Variants in LRRC74A observed in about 807,000 individuals in gnomAD.
LRRC74A encodes leucine-rich repeat-containing protein 74A.
A neutral mutation model predicts 57.9 loss-of-function variants in LRRC74A; 44 were observed. The ratio of observed to expected loss-of-function variants is 0.76; its 90% confidence interval spans 0.60 to 0.98. The LOEUF is 0.98. Among genes scored for constraint, LRRC74A ranks in the 50% least tolerant of loss-of-function variants. LRRC74A has a pLI of 0.00. For missense variants in LRRC74A, 572 were observed against 574.0 expected (o/e 1.00, Z 0.04); for synonymous variants, 211 against 219.4 (o/e 0.96, Z 0.34).
At position 76,855,680 on chromosome 14, in the gene LRRC74A, C is replaced by G. The variant is rs149238965; in HGVS notation, c.958-1700C>G. ...TGAGTCCAGCAAAGGATTCCAGATGCTGAGCTCCACGAGGTCCAGGCCCTA... is the reference window on the plus strand; with the variant it reads ...TGAGTCCAGCAAAGGATTCCAGATGGTGAGCTCCACGAGGTCCAGGCCCTA... On this transcript the variant is annotated intron_variant, in intron 9 of 13. Transcript: ENST00000689127. Among the ~76,000 whole-genome samples the G allele has an allele frequency of 2.0e-5, 3 of 152,260 alleles. No individual in the cohort carries two copies. The East Asian group carries it at 5.8e-4, about 29-fold the overall frequency.
intron 10 of LRRC74A, among the ~76,000 whole-genome samples, chr14:76,857,848 T>C (rs1898019301): frequency 6.6e-6 from 1 of 152,158 alleles, no homozygotes; most frequent in African/African-American, 2.4e-5. Flanking sequence ...ATCACAAAAT[T>C]TGTAGAATCT....
At chr14:76,830,601 CCATT>C (rs1190765036) in intron 2 of LRRC74A, among the ~76,000 whole-genome samples, 1 of 152,232 alleles carries the variant, frequency 6.6e-6, no homozygotes, top group African/African-American at 2.4e-5. Flanking sequence ...AGAAGAAAGA[CCATT>C]CACATGCAAG....
At chr14:76,857,581 C>T in intron 10 of LRRC74A, 106 bp downstream of exon 10, 2 of 749,084 alleles carry the variant, frequency 2.7e-6, no homozygotes, top group East Asian at 2.8e-5. Flanking sequence ...CTCACAGGCC[C>T]TCACACAAGT....
intron 1 of LRRC74A, among the ~76,000 whole-genome samples, chr14:76,827,591 T>A (rs1476513823): frequency 6.6e-6 from 1 of 152,122 alleles, no homozygotes; most frequent in Non-Finnish European, 1.5e-5. Context: ...TAAAACCACA[T>A]CTAGCAAGTG....
chr14:76,835,580 C>A (rs1413827316), intron 3 of LRRC74A, among the ~76,000 whole-genome samples: 1 of 151,912 alleles, frequency 6.6e-6, no homozygotes, highest in South Asian at 2.1e-4. Flanking sequence ...CTTGAGGTCA[C>A]CTCCTAGTAA....
In LRRC74A at chr14:76,866,030, G is replaced by C; in HGVS notation, c.1263G>C (p.Gly421=). 6.3e-7 allele frequency: 1 copy of C among 1,598,002 alleles called. No individual in the cohort carries two copies. The highest frequency in any genetic ancestry group is 8.6e-7 in the Non-Finnish European group (1 of 1,167,840). The change falls in exon 12 of 14, where the codon GGG becomes GGC. Residue 421 remains glycine, a synonymous_variant. Coordinates refer to ENST00000689127, the MANE Select transcript of LRRC74A (RefSeq NM_001385106.1). The part of the protein sequence containing the change: ...VDFFKSLNPT[G]TMKMSVDEFQ... The stretch of plus-strand genomic sequence containing the variant: ...TCTTCAAGAGCTTGAACCCCACTGG[G>C]ACAATGAAGATGTCTGTGGATGAGT...
chr14:76,851,816 C>G (rs1275535291), intron 7 of LRRC74A, among the ~76,000 whole-genome samples: 1 of 152,104 alleles, frequency 6.6e-6, no homozygotes, highest in Non-Finnish European at 1.5e-5. Context: ...CAGGCACGCG[C>G]CACCGCACCC....
intron 1 of LRRC74A, among the ~76,000 whole-genome samples, chr14:76,827,191 C>T (rs1743850843): frequency 6.6e-6 from 1 of 152,160 alleles, no homozygotes; most frequent in Admixed American, 6.5e-5. Flanking sequence ...TCTAAGGGCA[C>T]TCAGCAGTCT....
chr14:76,853,608 C>G (rs1338792875), intron 9 of LRRC74A, among the ~76,000 whole-genome samples, 198 bp downstream of exon 9: 2 of 152,164 alleles, frequency 1.3e-5, no homozygotes, highest in African/African-American at 4.8e-5. Context: ...CAGTGTCACC[C>G]TCAGTGCTCC....
In LRRC74A at chr14:76,860,755, G is replaced by A. The variant is rs139935097; in HGVS notation, c.1116G>A (p.Gln372=). ...ACGGAGTGTATGCCGTTCACCCGCA[G>A]CTGGACGTGGTATTCAAGGCAGTAC... is the stretch of plus-strand genomic sequence containing the variant. ...TLDGVYAVHP[Q]LDVVFKAVQG... The change falls in exon 11 of 14, where the codon CAG becomes CAA. Residue 372 remains glutamine (Q), a synonymous_variant. Coordinates refer to ENST00000689127, the MANE Select transcript of LRRC74A (RefSeq NM_001385106.1). The A allele has an allele frequency of 6.2e-7, 1 of 1,611,772 alleles. No homozygotes were observed. Among genetic ancestry groups the A allele is most frequent in the African/African-American group, 1.3e-5 (1 of 74,970 alleles).
chr14:76,837,836 GA>G, intron 4 of LRRC74A, 38 bp from the exon 5 acceptor site: 1 of 1,293,570 alleles, frequency 7.7e-7, no homozygotes, highest in East Asian at 2.5e-5. Context: ...GCCCTTTGGT[GA>G]GCTTTTTTAC....
intron 13 of LRRC74A, among the ~76,000 whole-genome samples, chr14:76,869,415 C>A (rs1382664429): frequency 6.6e-6 from 1 of 152,180 alleles, no homozygotes; most frequent in African/African-American, 2.4e-5. Flanking sequence ...GTTGCATGAT[C>A]CTTTTCATTT....
chr14:76,867,537 A>G (rs4903504), intron 13 of LRRC74A, 99 bp downstream of exon 13: 24,453 of 658,814 alleles, frequency 0.037, 1,942 homozygotes, highest in African/African-American at 0.21. Context: ...TTATTACTTG[A>G]GGCTTCACCC....
chr14:76,862,287 C>T (rs148539260), intron 11 of LRRC74A, among the ~76,000 whole-genome samples: 244 of 152,234 alleles, frequency 1.6e-3, no homozygotes, highest in African/African-American at 5.8e-3. Flanking sequence ...CCCAGCAATT[C>T]GGGAGGCCAA....
At chr14:76,858,215 G>A (rs1898042352) in intron 10 of LRRC74A, among the ~76,000 whole-genome samples, 1 of 152,200 alleles carries the variant, frequency 6.6e-6, no homozygotes, top group Admixed American at 6.5e-5. Flanking sequence ...GAGGCTAGAA[G>A]TCCAAGAGTA....
At chr14:76,850,171 G>A (rs1028211429) in intron 7 of LRRC74A, among the ~76,000 whole-genome samples, 20 of 152,292 alleles carry the variant, frequency 1.3e-4, no homozygotes, top group Non-Finnish European at 2.4e-4. Context: ...TTGCGCCACT[G>A]CACTCCAGCC....
chr14:76,870,092 T>C, intron 13 of LRRC74A, 33 bp from the exon 14 acceptor site: 1 of 1,605,454 alleles, frequency 6.2e-7, no homozygotes, highest in Non-Finnish European at 8.5e-7. Flanking sequence ...GCTGTACGGG[T>C]GCTCAGCATC....
chr14:76,866,461 A>T (rs1898802406), intron 12 of LRRC74A, among the ~76,000 whole-genome samples: 1 of 152,162 alleles, frequency 6.6e-6, no homozygotes, highest in Non-Finnish European at 1.5e-5. Flanking sequence ...GAAATCTCAC[A>T]TTCCTCTCGC....
intron 11 of LRRC74A, among the ~76,000 whole-genome samples, chr14:76,861,794 C>T (rs532119817): frequency 1.7e-3 from 259 of 152,322 alleles, no homozygotes; most frequent in African/African-American, 5.7e-3. Context: ...TGCTGCTGGC[C>T]GCAGAGCGGT....
Sources: allele counts gnomAD v4.1 joint callset (sites outside exome capture counted in the v4.1 genomes callset), GRCh38; gene constraint gnomAD v4.1.1; transcripts MANE v1.5; gene names NCBI Gene and HGNC (gene_info 2026-07-23, HGNC 2026-07-21).